Variants in MFSD6 observed in about 807,000 individuals in gnomAD.
The protein encoded by MFSD6 is major facilitator superfamily domain-containing protein 6.
Under a neutral mutation model 56.3 loss-of-function variants are expected in MFSD6, and 26 were observed. The observed-to-expected ratio is 0.46, with a 90% confidence interval of 0.34 to 0.64. The LOEUF is 0.64. Ranked by LOEUF, MFSD6 falls within the 30% of genes least tolerant of loss-of-function variation. The pLI, the probability that MFSD6 is intolerant of heterozygous loss-of-function variation, is 0.01. For synonymous variants in MFSD6, 331 were observed against 366.9 expected, an observed-to-expected ratio of 0.90 and a Z score of 1.12; for missense variants, 750 against 986.2, an observed-to-expected ratio of 0.76 and a Z score of 3.21.
At chr2:190,478,898 C>T (rs953779602) in intron 4 of MFSD6, among the ~76,000 whole-genome samples, 1 of 151,996 alleles carries the variant, frequency 6.6e-6, no homozygotes, top group East Asian at 1.9e-4. Flanking sequence ...CCCAAAACAC[C>T]ACGAGAACTA....
Position 190,488,027 on chromosome 2 carries a change from C to T in MFSD6, c.1631-630C>T, listed in dbSNP as rs1047936384. 6.6e-6 allele frequency among the ~76,000 whole-genome samples: 1 copy of T among 152,142 alleles called. No individual in the cohort carries two copies. The highest frequency in any genetic ancestry group is 2.4e-5 in the African/African-American group (1 of 41,428). On this transcript the variant is annotated intron_variant, in intron 4 of 7. Transcript: ENST00000392328. This position sits in a 1 kb window ranked among gnomAD's most constrained non-coding sequence, Gnocchi z 6.4. ...AAACGATTCCACTGCCTCAGCCTCC[C>T]GAGTAGCTGGGACTATAGGCGTGCA...
rs1011740770 is a variant in MFSD6, at chr2:190,443,176, C to G, written c.1532+5615C>G. 1.3e-5 allele frequency among the ~76,000 whole-genome samples: 2 copies of G among 152,004 alleles called. No homozygotes were observed. The highest frequency in any genetic ancestry group is 2.9e-5 in the Non-Finnish European group (2 of 68,000). Reference sequence around the variant, plus strand: ...TGGGTGTTCCTAGGTGGGCCTAAGACATAAGCAAGGGAGAAAAAAAATAAA... The same window carrying G: ...TGGGTGTTCCTAGGTGGGCCTAAGAGATAAGCAAGGGAGAAAAAAAATAAA... On this transcript the variant is annotated intron_variant, in intron 3 of 7. Transcript: ENST00000392328. The surrounding 1 kb of genome is among the most constrained non-coding windows in gnomAD (Gnocchi z 4.2).
chr2:190,423,206 G>T lies in MFSD6; in HGVS notation c.-54+7793G>T, dbSNP rs995715121. Among the ~76,000 whole-genome samples, 2 of 152,124 alleles carry T rather than the reference G, an allele frequency of 1.3e-5. No homozygotes were observed. Among genetic ancestry groups the T allele is most frequent in the African/African-American group, 4.8e-5 (2 of 41,406 alleles). On this transcript the variant is annotated intron_variant, in intron 2 of 7. Coordinates refer to ENST00000392328, the MANE Select transcript of MFSD6 (RefSeq NM_017694.4). This position sits in a 1 kb window ranked among gnomAD's most constrained non-coding sequence, Gnocchi z 4.3. ...GCATAATAGCACCATTGACATTGAG[G>T]CAGTCAAGATACAGAACATTTCTCT...
rs970055671 is a variant in MFSD6 at position 190,495,848 on chromosome 2, T to G, written c.1892-1591T>G. On this transcript the variant is annotated intron_variant, in intron 6 of 7. Transcript: ENST00000392328. The surrounding 1 kb of genome is among the most constrained non-coding windows in gnomAD (Gnocchi z 4.7). ...ACCGTATAAAAAAATCAACTCAAGA[T>G]GGATCAAGGACTTAAATCTAAGACC... 1.3e-5 allele frequency among the ~76,000 whole-genome samples: 2 copies of G among 152,164 alleles called. No homozygotes were observed. The highest frequency in any genetic ancestry group is 4.8e-5 in the African/African-American group (2 of 41,442).
rs1422704602 is a variant in MFSD6 at position 190,492,821 on chromosome 2, G to C, written c.1891+2955G>C. On this transcript the variant is annotated intron_variant, in intron 6 of 7. Transcript: ENST00000392328. This position sits in a 1 kb window ranked among gnomAD's most constrained non-coding sequence, Gnocchi z 5.2. ...CAGCACTCCAAGAACTACCAAGCCAGAACTACAAGAATTTGCCACTCACCA... is the reference window on the plus strand; with the variant it reads ...CAGCACTCCAAGAACTACCAAGCCACAACTACAAGAATTTGCCACTCACCA... Among the ~76,000 whole-genome samples the C allele has an allele frequency of 2.0e-5, 3 of 151,916 alleles. No homozygotes were observed. Among genetic ancestry groups the C allele is most frequent in the Non-Finnish European group, 4.4e-5 (3 of 67,992 alleles).
intron 4 of MFSD6, chr2:190,477,086 G>A (rs2125181723): frequency 6.2e-6 from 1 of 161,482 alleles, no homozygotes; most frequent in South Asian, 2.1e-4. Flanking sequence ...GATAGCATTA[G>A]GAGATATACC....
chr2:190,429,503 T>G (rs1331969457), intron 2 of MFSD6, among the ~76,000 whole-genome samples: 3 of 152,076 alleles, frequency 2.0e-5, no homozygotes, highest in Non-Finnish European at 2.9e-5. Context: ...TTTTTGTATT[T>G]TTTTAGTAAA....
chr2:190,484,551 G>C (rs557524309), intron 4 of MFSD6, among the ~76,000 whole-genome samples: 3 of 152,066 alleles, frequency 2.0e-5, no homozygotes, highest in Non-Finnish European at 1.5e-5. Flanking sequence ...CAAGTTTCTA[G>C]GTTGCTTTTT....
chr2:190,410,500 A>G lies in MFSD6; in HGVS notation c.-176+1997A>G, dbSNP rs1040546559. Among the ~76,000 whole-genome samples, 1 of 152,216 alleles carries G rather than the reference A, an allele frequency of 6.6e-6. No individual in the cohort carries two copies. Among genetic ancestry groups the G allele is most frequent in the African/African-American group, 2.4e-5 (1 of 41,446 alleles). On this transcript the variant is annotated intron_variant, in intron 1 of 7. Transcript: ENST00000392328. This position sits in a 1 kb window ranked among gnomAD's most constrained non-coding sequence, Gnocchi z 4.4. Reference sequence around the variant, plus strand: ...GAAAATTAACTTGATTTCAATGTACATGTATTACTTATGTTAACATTTAGC... The same window carrying G: ...GAAAATTAACTTGATTTCAATGTACGTGTATTACTTATGTTAACATTTAGC...
Position 190,424,161 on chromosome 2 carries a change from C to T in MFSD6, c.-54+8748C>T, listed in dbSNP as rs1334366359. On this transcript the variant is annotated intron_variant, in intron 2 of 7. Coordinates refer to ENST00000392328, the MANE Select transcript of MFSD6 (RefSeq NM_017694.4). The surrounding 1 kb of genome is among the most constrained non-coding windows in gnomAD (Gnocchi z 5.9). ...TTAATGAAGTCTAACATTAGTTTTT[C>T]CTTTTATGGATCATGGTATCGGTGT... Among the ~76,000 whole-genome samples the T allele has an allele frequency of 6.6e-6, 1 of 151,266 alleles. No individual in the cohort carries two copies. The highest frequency in any genetic ancestry group is 2.4e-5 in the African/African-American group (1 of 41,178).
At chr2:190,414,483 A>G (rs1269770882) in intron 1 of MFSD6, among the ~76,000 whole-genome samples, 2 of 152,228 alleles carry the variant, frequency 1.3e-5, no homozygotes, top group South Asian at 2.1e-4. Context: ...ATGAGTAAAC[A>G]TGACACATTT....
chr2:190,412,055 G>A lies in MFSD6; in HGVS notation c.-175-3237G>A. The A allele has an allele frequency of 1.0e-6, 1 of 984,888 alleles. No individual in the cohort carries two copies. Among genetic ancestry groups the A allele is most frequent in the African/African-American group, 1.7e-5 (1 of 57,320 alleles). 61.0% of individuals were successfully genotyped at this position (984,888 alleles called of 1,614,324 possible). A position where few individuals can be genotyped will look rare whatever the true frequency, so the allele number is the denominator to read the frequency against. ...TATAATTATTTTTAGTAACAATTTA[G>A]GAGAAGCAAGTTATCATAAAGTTAA... On this transcript the variant is annotated intron_variant, in intron 1 of 7. Transcript: ENST00000392328. The surrounding 1 kb of genome is among the most constrained non-coding windows in gnomAD (Gnocchi z 4.1).
intron 2 of MFSD6, among the ~76,000 whole-genome samples, chr2:190,427,327 G>A (rs1037437910): frequency 6.6e-6 from 1 of 152,208 alleles, no homozygotes; most frequent in Non-Finnish European, 1.5e-5. Context: ...GGGCAGAATT[G>A]TAGGCTCCCT....
chr2:190,489,731 T>C lies in MFSD6; in HGVS notation c.1793-37T>C, dbSNP rs1448856811. The C allele has an allele frequency of 6.3e-7, 1 of 1,577,698 alleles. No homozygotes were observed. The highest frequency in any genetic ancestry group is 1.4e-5 in the African/African-American group (1 of 73,968). On this transcript the variant is annotated intron_variant, in intron 5 of 7. Transcript: ENST00000392328. This position sits in a 1 kb window ranked among gnomAD's most constrained non-coding sequence, Gnocchi z 6.6. ...TTTAGATGAGCGCTATCTGCATTTC[T>C]TGGAATTACTCTATAGAGTGCTGTT...
At chr2:190,477,869 C>CA (rs1433203491) in intron 4 of MFSD6, among the ~76,000 whole-genome samples, 2 of 152,094 alleles carry the variant, frequency 1.3e-5, no homozygotes, top group Admixed American at 6.6e-5. Context: ...AAATTCCCTA[C>CA]AAAAATCACA....
chr2:190,466,049 C>T (rs1407509488), intron 3 of MFSD6, among the ~76,000 whole-genome samples: 1 of 152,164 alleles, frequency 6.6e-6, no homozygotes, highest in Non-Finnish European at 1.5e-5. Context: ...TGGTTACTTC[C>T]AAGGGCCTCT....
chr2:190,430,631 C>T (rs77884125), intron 2 of MFSD6, among the ~76,000 whole-genome samples: 63,845 of 148,284 alleles, frequency 0.43, 12,713 homozygotes, highest in East Asian at 0.59. Flanking sequence ...AGCAACCATC[C>T]GATTTCTCAA....
chr2:190,444,310 G>T lies in MFSD6; in HGVS notation c.1532+6749G>T, dbSNP rs75620693. ...TTAAGCCCAGTGTATGAGTATTCTT[G>T]GTCATGGCCCAGTTTTTCACAGAGG... On this transcript the variant is annotated intron_variant, in intron 3 of 7. Coordinates refer to ENST00000392328, the MANE Select transcript of MFSD6 (RefSeq NM_017694.4). Among the ~76,000 whole-genome samples, 830 of 152,290 alleles carry T rather than the reference G, an allele frequency of 5.5e-3. 16 individuals are homozygous for T. Among genetic ancestry groups the T allele is most frequent in the South Asian group, 8.1e-3 (39 of 4,830 alleles).
At chr2:190,470,700 T>C (rs140201345) in intron 4 of MFSD6, among the ~76,000 whole-genome samples, 2,878 of 152,288 alleles carry the variant, frequency 0.019, 39 homozygotes, top group Non-Finnish European at 0.029. Flanking sequence ...AGGAGACAAA[T>C]GCGGTGTAAT....
Sources: gnomAD v4.1 joint callset for allele counts (sites outside exome capture counted in the v4.1 genomes callset) on GRCh38, gnomAD v4.1.1 for gene constraint, Gnocchi (gnomAD v3.1) non-coding constraint, MANE v1.5 for transcripts, NCBI Gene and HGNC (gene_info 2026-07-23, HGNC 2026-07-21) for gene names.